Variants in CEP112 observed in about 807,000 individuals in gnomAD.
The protein encoded by CEP112 is centrosomal protein of 112 kDa.
A neutral mutation model predicts 153.0 loss-of-function variants in CEP112; 127 were observed. That is an observed-to-expected ratio of 0.83 (90% CI 0.72 to 0.96). The LOEUF is 0.96. Ranked by LOEUF, CEP112 falls within the 40% of genes least tolerant of loss-of-function variation. The pLI is 0.00. For synonymous variants in CEP112, 358 were observed against 374.4 expected (o/e 0.96, Z 0.51); for missense variants, 1,089 against 1,101.2 (o/e 0.99, Z 0.16).
intron 21 of CEP112, among the ~76,000 whole-genome samples, chr17:65,828,434 C>A (rs772730484): frequency 1.3e-5 from 2 of 152,180 alleles, no homozygotes; most frequent in South Asian, 2.1e-4. Flanking sequence ...ATCAGAAGAG[C>A]AGCCTTTAAA....
intron 18 of CEP112, among the ~76,000 whole-genome samples, chr17:65,937,557 G>T (rs1475443545): frequency 9.9e-6 from 1 of 100,852 alleles, no homozygotes; most frequent in Non-Finnish European, 2.1e-5. Flanking sequence ...GCCCCGTCCG[G>T]GAGGGAGGTG....
chr17:65,723,916 T>A (rs1052141386), intron 23 of CEP112, among the ~76,000 whole-genome samples: 1 of 152,224 alleles, frequency 6.6e-6, no homozygotes, highest in Non-Finnish European at 1.5e-5. Flanking sequence ...TCTGAAATAT[T>A]TTACCACCAA....
chr17:66,079,304 C>T (rs1028882011), intron 8 of CEP112, among the ~76,000 whole-genome samples: 1 of 152,156 alleles, frequency 6.6e-6, no homozygotes, highest in African/African-American at 2.4e-5. Flanking sequence ...AGGATACACA[C>T]ACAAGGTTAT....
At chr17:65,866,997 A>G (rs1214521400) in intron 20 of CEP112, among the ~76,000 whole-genome samples, 1 of 151,606 alleles carries the variant, frequency 6.6e-6, no homozygotes, top group African/African-American at 2.4e-5. Flanking sequence ...AGGAGAGAGG[A>G]GAGACGAGAG....
In CEP112 at chr17:66,070,026, G is replaced by T; in HGVS notation, c.769-25C>A. ...GCTTCAAGAAAAATATTTCAAGGGT[G>T]TTATTAATTTACTTTCCCTTTGGCA... On this transcript the variant is annotated intron_variant, in intron 8 of 26. Transcript: ENST00000535342. The T allele has an allele frequency of 3.5e-6, 5 of 1,416,574 alleles. No individual in the cohort carries two copies. In the Admixed American group the frequency reaches 7.2e-5, roughly 20 times the overall value. The allele number at this position is 1,416,574 out of a possible 1,614,324, so 87.8% of individuals were successfully genotyped here. A position where few individuals can be genotyped will look rare whatever the true frequency, so the allele number is the denominator to read the frequency against.
At chr17:65,936,820 AC>A (rs2061326236) in intron 18 of CEP112, among the ~76,000 whole-genome samples, 1 of 48,284 alleles carries the variant, frequency 2.1e-5, no homozygotes, top group East Asian at 3.1e-3. Context: ...CCCTCTCCCC[AC>A]GGTCTCCCTC....
chr17:65,840,768 C>A (rs1390770565), intron 21 of CEP112, among the ~76,000 whole-genome samples: 1 of 151,866 alleles, frequency 6.6e-6, no homozygotes, highest in Non-Finnish European at 1.5e-5. Flanking sequence ...CATCTGACAA[C>A]AGATTAATAA....
chr17:66,065,729 A>C (rs1453168364), intron 10 of CEP112, among the ~76,000 whole-genome samples: 1 of 149,670 alleles, frequency 6.7e-6, no homozygotes, highest in Non-Finnish European at 1.5e-5. Flanking sequence ...TCCCAGGTTC[A>C]TGCCATTCTC....
chr17:65,772,441 T>C lies in CEP112; in HGVS notation c.2395-21717A>G, dbSNP rs924353158. Among the ~76,000 whole-genome samples the C allele has an allele frequency of 3.9e-5, 6 of 152,228 alleles. No homozygotes were observed. The East Asian group carries it at 1.2e-3, about 29-fold the overall frequency. ...TACTATCAGATTCTGTAGACATTAA[T>C]AGGGTAATAAGAAAATATGAACATC... is the stretch of plus-strand genomic sequence containing the variant. On this transcript the variant is annotated intron_variant, in intron 21 of 26. Transcript: ENST00000535342.
In CEP112 at chr17:65,637,188, C is replaced by G; in HGVS notation, c.2800G>C (p.Val934Leu). The change falls in exon 26 of 27, where the codon GTT becomes CTT. Residue 934 changes from valine to leucine, a missense_variant and splice_region_variant. By Grantham distance (32) the Val-to-Leu change is conservative. Transcript: ENST00000535342. ...GAAGCTCTCTTTTGCAGAAAATTAA[C>G]CTAGAAAAGACACCTTGTGTGAGAA... ...EDTISSLKSQ[V>L]NFLQKRASIL... 3.1e-6 allele frequency: 5 copies of G among 1,612,762 alleles called. No homozygotes were observed. Among genetic ancestry groups the G allele is most frequent in the Non-Finnish European group, 4.2e-6 (5 of 1,178,794 alleles).
At chr17:65,712,088 C>T (rs545863402) in intron 23 of CEP112, among the ~76,000 whole-genome samples, 1 of 152,224 alleles carries the variant, frequency 6.6e-6, no homozygotes, top group East Asian at 1.9e-4. Flanking sequence ...CAGCCCTTCC[C>T]TGCTTGGTCA....
At chr17:65,813,823 G>T (rs2056118279) in intron 21 of CEP112, among the ~76,000 whole-genome samples, 2 of 152,118 alleles carry the variant, frequency 1.3e-5, no homozygotes. Flanking sequence ...AAGGAAGTGT[G>T]GAATTAAGAA....
intron 21 of CEP112, among the ~76,000 whole-genome samples, chr17:65,841,733 G>C (rs1369674083): frequency 6.6e-6 from 1 of 151,976 alleles, no homozygotes; most frequent in Non-Finnish European, 1.5e-5. Flanking sequence ...CACTTTGCAA[G>C]AATGTATAAA....
At chr17:66,012,732 G>C (rs2064589203) in intron 16 of CEP112, among the ~76,000 whole-genome samples, 1 of 152,078 alleles carries the variant, frequency 6.6e-6, no homozygotes, top group Non-Finnish European at 1.5e-5. Context: ...GGAGTACTTT[G>C]CAAAGGTTCT....
intron 19 of CEP112, chr17:65,913,500 G>A (rs1598988318): frequency 1.0e-6 from 1 of 985,264 alleles, no homozygotes; most frequent in African/African-American, 1.7e-5. Flanking sequence ...TAAAAAGCAG[G>A]CAGTGTGTCA....
intron 4 of CEP112, among the ~76,000 whole-genome samples, chr17:66,147,334 C>T (rs1309752637): frequency 6.6e-6 from 1 of 152,036 alleles, no homozygotes; most frequent in Non-Finnish European, 1.5e-5. Flanking sequence ...CTTTCCCCAT[C>T]TTTTAATCTA....
At chr17:66,189,931 C>T (rs2073099709) in intron 1 of CEP112, among the ~76,000 whole-genome samples, 1 of 152,114 alleles carries the variant, frequency 6.6e-6, no homozygotes, top group Non-Finnish European at 1.5e-5. Flanking sequence ...ACTCGGGAGA[C>T]TGAGGTGGGA....
At chr17:65,806,403 C>A (rs981532526) in intron 21 of CEP112, among the ~76,000 whole-genome samples, 1 of 152,210 alleles carries the variant, frequency 6.6e-6, no homozygotes, top group Non-Finnish European at 1.5e-5. Flanking sequence ...CCACGATATT[C>A]ATGTGTTGGA....
Position 65,635,783 on chromosome 17 carries a change from C to G in CEP112, c.*188G>C. On this transcript the variant is annotated 3_prime_UTR_variant, in exon 27 of 27. Coordinates refer to ENST00000535342, the MANE Select transcript of CEP112 (RefSeq NM_001199165.4). ...AAATAAAGGAATGTTAAAAAAATAA[C>G]TTAGGCAGACACAAATAAAACCACC... 1 of 585,424 alleles carries G rather than the reference C, an allele frequency of 1.7e-6. No individual in the cohort carries two copies. Among genetic ancestry groups the G allele is most frequent in the Non-Finnish European group, 3.0e-6 (1 of 338,662 alleles). 36.3% of individuals were successfully genotyped at this position (585,424 alleles called of 1,614,324 possible). A position where few individuals can be genotyped will look rare whatever the true frequency, so the allele number is the denominator to read the frequency against.
Sources: gnomAD v4.1 joint callset for allele counts (sites outside exome capture counted in the v4.1 genomes callset) on GRCh38, gnomAD v4.1.1 for gene constraint, MANE v1.5 for transcripts, NCBI Gene and HGNC (gene_info 2026-07-23, HGNC 2026-07-21) for gene names.